Variants in SLC24A2 observed in about 807,000 individuals in gnomAD.
SLC24A2 encodes solute carrier family 24 member 2.
SLC24A2 carries 36 observed loss-of-function variants against 62.0 expected under a neutral mutation model. That is an observed-to-expected ratio of 0.58 (90% CI 0.44 to 0.77). The LOEUF (loss-of-function observed/expected upper bound fraction) is 0.77. Ranked by LOEUF, SLC24A2 falls within the 30% of genes least tolerant of loss-of-function variation. SLC24A2 has a pLI of 0.00. For missense variants in SLC24A2, 846 were observed against 817.9 expected, an observed-to-expected ratio of 1.03 and a Z score of -0.42; for synonymous variants, 358 against 294.0, an observed-to-expected ratio of 1.22 and a Z score of -2.23.
At chr9:19,684,320 C>A (rs1819812830) in intron 2 of SLC24A2, among the ~76,000 whole-genome samples, 1 of 152,122 alleles carries the variant, frequency 6.6e-6, no homozygotes, top group Non-Finnish European at 1.5e-5. Flanking sequence ...CTTTCCTCTT[C>A]AAGGAAGTTC....
chr9:20,212,690 T>G, the SLC24A2 span, among the ~76,000 whole-genome samples: 3,294 of 151,342 alleles, frequency 0.022, 228 homozygotes, highest in African/African-American at 0.077. Context: ...ATGAGTGATT[T>G]ACTAACTATC....
At chr9:20,149,078 T>C in the SLC24A2 span, among the ~76,000 whole-genome samples, 10 of 152,162 alleles carry the variant, frequency 6.6e-5, no homozygotes, top group African/African-American at 2.4e-4. Flanking sequence ...TGAGGGCTTA[T>C]ATTTGTATCC....
the SLC24A2 span, among the ~76,000 whole-genome samples, chr9:20,171,791 C>T: frequency 6.6e-6 from 1 of 152,010 alleles, no homozygotes; most frequent in Non-Finnish European, 1.5e-5. Context: ...CCACTGACAG[C>T]ACTAGACAAG....
chr9:19,761,457 T>C (rs1054906783), intron 2 of SLC24A2, among the ~76,000 whole-genome samples: 1 of 146,384 alleles, frequency 6.8e-6, no homozygotes, highest in African/African-American at 2.7e-5. Flanking sequence ...ATAAATGTCA[T>C]TTTTTAATTT....
chr9:19,789,623 C>T (rs944020099), upstream of SLC24A2, among the ~76,000 whole-genome samples: 7 of 152,176 alleles, frequency 4.6e-5, no homozygotes, highest in Admixed American at 1.3e-4. Context: ...CTTTTGGCCT[C>T]GGGATGTCCA....
At chr9:19,932,924 C>T in the SLC24A2 span, among the ~76,000 whole-genome samples, 2 of 152,230 alleles carry the variant, frequency 1.3e-5, no homozygotes, top group Non-Finnish European at 2.9e-5. Flanking sequence ...CCTTTTAAGT[C>T]CTTCAAAGGA....
the SLC24A2 span, among the ~76,000 whole-genome samples, chr9:19,825,828 C>G: frequency 6.6e-6 from 1 of 151,828 alleles, no homozygotes; most frequent in Non-Finnish European, 1.5e-5. Flanking sequence ...TTTTTAAATA[C>G]CAAAATCAAT....
chr9:19,949,031 T>C, the SLC24A2 span, among the ~76,000 whole-genome samples: 1 of 152,048 alleles, frequency 6.6e-6, no homozygotes, highest in African/African-American at 2.4e-5. Context: ...TCTTACTCTG[T>C]TGCCTAGGCT....
chr9:20,237,303 T>G, the SLC24A2 span, among the ~76,000 whole-genome samples: 5 of 152,234 alleles, frequency 3.3e-5, no homozygotes, highest in Non-Finnish European at 7.3e-5. Flanking sequence ...GGGCAGACAC[T>G]GTGCTAGGTA....
chr9:20,029,596 T>C, the SLC24A2 span, among the ~76,000 whole-genome samples: 2,794 of 152,222 alleles, frequency 0.018, 87 homozygotes, highest in African/African-American at 0.064. Flanking sequence ...AAAACAACCA[T>C]AGTCAAACAC....
intron 4 of SLC24A2, among the ~76,000 whole-genome samples, chr9:19,602,127 T>A (rs1267017391): frequency 6.6e-6 from 1 of 152,238 alleles, no homozygotes; most frequent in Non-Finnish European, 1.5e-5. Flanking sequence ...TTGCTTTTTA[T>A]TACCAGTGTG....
chr9:19,967,332 T>C, the SLC24A2 span: 2 of 152,200 alleles, frequency 1.3e-5, no homozygotes, highest in Admixed American at 6.5e-5. Flanking sequence ...CTTGTACACA[T>C]ACTTGTATGT....
chr9:19,653,757 T>A (rs1157448936), intron 2 of SLC24A2, among the ~76,000 whole-genome samples: 1 of 152,180 alleles, frequency 6.6e-6, no homozygotes, highest in Non-Finnish European at 1.5e-5. Context: ...CATGGTATGT[T>A]TGTGGAATAA....
chr9:20,118,352 C>T, the SLC24A2 span, among the ~76,000 whole-genome samples: 2 of 151,956 alleles, frequency 1.3e-5, no homozygotes, highest in African/African-American at 4.8e-5. Context: ...CATTTCTGAA[C>T]AATTTAAGTT....
chr9:19,878,788 T>C, the SLC24A2 span, among the ~76,000 whole-genome samples: 2 of 152,134 alleles, frequency 1.3e-5, no homozygotes, highest in African/African-American at 4.8e-5. Flanking sequence ...GAACTGGAAG[T>C]CAATTACATC....
At position 19,518,495 on chromosome 9, in the gene SLC24A2, C is replaced by A. The variant is rs536132920; in HGVS notation, c.1737-2093G>T. Reference sequence around the variant, plus strand: ...GGAGTGCAGTGGCGTGATCTTGGTTCACTGCAACCTCCACCTCCTGGGTTC... The same window carrying A: ...GGAGTGCAGTGGCGTGATCTTGGTTAACTGCAACCTCCACCTCCTGGGTTC... On this transcript the variant is annotated intron_variant, in intron 10 of 10. Coordinates refer to ENST00000341998, the MANE Select transcript of SLC24A2 (RefSeq NM_020344.4). Among the ~76,000 whole-genome samples the A allele has an allele frequency of 2.0e-5, 3 of 146,620 alleles. No homozygotes were observed. In the South Asian group the frequency reaches 6.4e-4, roughly 31 times the overall value.
the SLC24A2 span, among the ~76,000 whole-genome samples, chr9:19,797,266 T>G: frequency 6.6e-6 from 1 of 152,192 alleles, no homozygotes; most frequent in Non-Finnish European, 1.5e-5. Context: ...CCTACTGTAG[T>G]AGGTGTTCGA....
the SLC24A2 span, among the ~76,000 whole-genome samples, chr9:20,168,999 CA>C: frequency 2.0e-5 from 3 of 151,896 alleles, no homozygotes; most frequent in South Asian, 2.1e-4. Flanking sequence ...TATATACACA[CA>C]ATGAAAAATT....
the SLC24A2 span, among the ~76,000 whole-genome samples, chr9:20,234,312 T>G: frequency 6.6e-6 from 1 of 152,246 alleles, no homozygotes; most frequent in East Asian, 1.9e-4. Context: ...GATAATATCC[T>G]GCAGAGTGTT....
Sources: allele counts gnomAD v4.1 joint callset (sites outside exome capture counted in the v4.1 genomes callset), GRCh38; gene constraint gnomAD v4.1.1; transcripts MANE v1.5; gene names NCBI Gene and HGNC (gene_info 2026-07-23, HGNC 2026-07-21).